The following RPTOR variants were observed in gnomAD, a reference collection of about 807,000 sequenced individuals.
The protein encoded by RPTOR is regulatory-associated protein of mTOR.
RPTOR carries 21 observed loss-of-function variants against 169.9 expected under a neutral mutation model. The observed-to-expected ratio is 0.12, with a 90% CI of 0.09 to 0.18. The LOEUF (loss-of-function observed/expected upper bound fraction) is 0.18, where lower values mean the gene tolerates loss of function less well. Ranked by LOEUF, RPTOR falls within the 10% of genes least tolerant of loss-of-function variation. The pLI is 1.00. For missense variants in RPTOR, 1,133 were observed against 1,855.9 expected (o/e 0.61, Z 7.16); for synonymous variants, 732 against 753.2 (o/e 0.97, Z 0.46).
intron 24 of RPTOR, among the ~76,000 whole-genome samples, chr17:80,930,357 A>T (rs1435665300): frequency 0.033 from 1,070 of 32,194 alleles, no homozygotes; most frequent in Middle Eastern, 0.11. Flanking sequence ...GCTCATCCCC[A>T]GCTCATCCTC....
intron 1 of RPTOR, among the ~76,000 whole-genome samples, chr17:80,578,842 G>T (rs980157898): frequency 3.9e-5 from 6 of 152,230 alleles, no homozygotes; most frequent in African/African-American, 1.4e-4. Context: ...CACAGTGCAG[G>T]GGCCTGGGAG....
At chr17:80,637,713 G>A (rs528566604) in intron 2 of RPTOR, among the ~76,000 whole-genome samples, 4 of 152,354 alleles carry the variant, frequency 2.6e-5, no homozygotes, top group African/African-American at 9.6e-5. Flanking sequence ...AATGGTAGCT[G>A]TGTATCAGAA....
intron 26 of RPTOR, among the ~76,000 whole-genome samples, chr17:80,946,150 A>G (rs1423430814): frequency 6.6e-6 from 1 of 152,200 alleles, no homozygotes; most frequent in African/African-American, 2.4e-5. Context: ...AGAAGATGCT[A>G]GGTGCCCCAG....
At chr17:80,927,004 G>C (rs951128922) in intron 24 of RPTOR, among the ~76,000 whole-genome samples, 4 of 152,230 alleles carry the variant, frequency 2.6e-5, no homozygotes, top group African/African-American at 7.2e-5. Context: ...GCTTACCTGC[G>C]GGTGGCATGA....
At chr17:80,665,378 C>A (rs1256568429) in intron 3 of RPTOR, among the ~76,000 whole-genome samples, 1 of 5,362 alleles carries the variant, frequency 1.9e-4, no homozygotes, top group East Asian at 5.5e-3. Context: ...CTTTCCTTTC[C>A]TTTCCTTTCC....
chr17:80,791,612 T>C lies in RPTOR; in HGVS notation c.890+103T>C, dbSNP rs944302959. On this transcript the variant is annotated intron_variant, in intron 7 of 33. Transcript: ENST00000306801. ...AGAAGTACTTTCTATCAACATGGCA[T>C]GTTCCCTTTCATGTGGCTGTGTTCT... 4 of 985,082 alleles carry C rather than the reference T, an allele frequency of 4.1e-6. No homozygotes were observed. The African/African-American group carries it at 4.9e-5, about 12-fold the overall frequency. 61.0% of individuals were successfully genotyped at this position (985,082 alleles called of 1,614,324 possible). A position where few individuals can be genotyped will look rare whatever the true frequency, so the allele number is the denominator to read the frequency against.
chr17:80,783,154 C>T (rs1438503306), intron 6 of RPTOR, among the ~76,000 whole-genome samples: 1 of 152,200 alleles, frequency 6.6e-6, no homozygotes, highest in Non-Finnish European at 1.5e-5. Context: ...AGGCAAGGAG[C>T]CTCCCTTTCA....
intron 11 of RPTOR, among the ~76,000 whole-genome samples, chr17:80,850,853 A>T (rs555198823): frequency 6.6e-6 from 1 of 152,200 alleles, no homozygotes; most frequent in African/African-American, 2.4e-5. Flanking sequence ...CCAGGGCTGG[A>T]ACTGGAGAAT....
intron 3 of RPTOR, among the ~76,000 whole-genome samples, chr17:80,660,053 C>A (rs2065709971): frequency 1.3e-5 from 2 of 152,126 alleles, no homozygotes; most frequent in South Asian, 4.2e-4. Context: ...GGCGGATCAT[C>A]TGAGGTCAGG....
chr17:80,930,462 G>GCTCATT (rs2068881535), intron 24 of RPTOR, among the ~76,000 whole-genome samples: 1 of 56,052 alleles, frequency 1.8e-5, no homozygotes, highest in South Asian at 6.0e-4. Context: ...CTCATCCCCA[G>GCTCATT]CTCATCCCCA....
intron 2 of RPTOR, among the ~76,000 whole-genome samples, chr17:80,634,179 G>A (rs2065465129): frequency 6.8e-6 from 1 of 148,006 alleles, no homozygotes; most frequent in Non-Finnish European, 1.5e-5. Context: ...TACTGTGTGT[G>A]TGCGCATACT....
intron 24 of RPTOR, among the ~76,000 whole-genome samples, chr17:80,930,806 C>T (rs973810997): frequency 5.3e-5 from 8 of 152,202 alleles, no homozygotes; most frequent in Non-Finnish European, 4.4e-5. Context: ...TCGCAGTCTC[C>T]GAGGCAGCAG....
intron 7 of RPTOR, among the ~76,000 whole-genome samples, chr17:80,819,827 C>T (rs914357574): frequency 6.6e-6 from 1 of 152,176 alleles, no homozygotes; most frequent in African/African-American, 2.4e-5. Flanking sequence ...TCGGTCTTGT[C>T]TGTGTGACTC....
At chr17:80,601,572 T>TGGTGGGGGGG (rs1491485204) in intron 1 of RPTOR, among the ~76,000 whole-genome samples, 12 of 48,594 alleles carry the variant, frequency 2.5e-4, no homozygotes, top group East Asian at 4.5e-4. Flanking sequence ...TTTTTTTTTT[T>TGGTGGGGGGG]AAATTTATTT....
intron 3 of RPTOR, among the ~76,000 whole-genome samples, chr17:80,697,007 C>G (rs1567862633): frequency 6.6e-6 from 1 of 152,208 alleles, no homozygotes; most frequent in East Asian, 1.9e-4. Flanking sequence ...CCTCTGCCAG[C>G]AGGAGCAAAG....
Position 80,726,664 on chromosome 17 carries a change from G to A in RPTOR, c.508-3896G>A, listed in dbSNP as rs569923608. Among the ~76,000 whole-genome samples the A allele has an allele frequency of 5.3e-5, 8 of 152,278 alleles. No individual in the cohort carries two copies. Among genetic ancestry groups the A allele is most frequent in the African/African-American group, 1.2e-4 (5 of 41,556 alleles). On this transcript the variant is annotated intron_variant, in intron 4 of 33. Transcript: ENST00000306801. This position sits in a 1 kb window ranked among gnomAD's most constrained non-coding sequence, Gnocchi z 4.5. ...CAGCCCCCGTTTCACTGATGGTGGC[G>A]CAGAGGACGTTGTGAGGTGGCTGTA...
In RPTOR at chr17:80,752,716, T is replaced by C. The variant is rs377387642; in HGVS notation, c.655-1294T>C. Among the ~76,000 whole-genome samples, 21 of 152,344 alleles carry C rather than the reference T, an allele frequency of 1.4e-4. No individual in the cohort carries two copies. The East Asian group carries it at 4.0e-3, about 29-fold the overall frequency. The stretch of plus-strand genomic sequence containing the variant: ...ATAAGGATCCTGTTTTGTTGAATGC[T>C]GTGGTTTTTTGGTAAAACAGGAACC... On this transcript the variant is annotated intron_variant, in intron 5 of 33. Coordinates refer to ENST00000306801, the MANE Select transcript of RPTOR (RefSeq NM_020761.3).
intron 1 of RPTOR, among the ~76,000 whole-genome samples, chr17:80,582,320 G>A (rs772439522): frequency 5.9e-5 from 9 of 152,100 alleles, no homozygotes; most frequent in African/African-American, 1.4e-4. Context: ...GTAAGAATGC[G>A]TGTGTACTGT....
At chr17:80,893,306 T>C (rs2068351311) in intron 19 of RPTOR, among the ~76,000 whole-genome samples, 1 of 147,460 alleles carries the variant, frequency 6.8e-6, no homozygotes, top group African/African-American at 2.6e-5. Context: ...CGGGTGTGTG[T>C]GTGCGCCAGG....
Sources: gnomAD v4.1 joint callset for allele counts (sites outside exome capture counted in the v4.1 genomes callset) on GRCh38, gnomAD v4.1.1 for gene constraint, Gnocchi (gnomAD v3.1) non-coding constraint, MANE v1.5 for transcripts, NCBI Gene and HGNC (gene_info 2026-07-23, HGNC 2026-07-21) for gene names.